Variants in MRTFA observed in about 807,000 individuals in gnomAD.
MRTFA encodes myocardin related transcription factor A, also known as myocardin-related transcription factor A.
Under a neutral mutation model 83.5 loss-of-function variants are expected in MRTFA, and 20 were observed. That is an observed-to-expected ratio of 0.24 (90% CI 0.17 to 0.35). The LOEUF (loss-of-function observed/expected upper bound fraction) is 0.35, where lower values mean the gene tolerates loss of function less well. Among genes scored for constraint, MRTFA ranks in the 10% least tolerant of loss-of-function variants. The pLI is 1.00. For synonymous variants in MRTFA, 659 were observed against 541.2 expected (o/e 1.22, Z -3.02); for missense variants, 1,200 against 1,224.7 (o/e 0.98, Z 0.30).
At chr22:40,463,927 C>T (rs1354665163) in intron 3 of MRTFA, among the ~76,000 whole-genome samples, 1 of 152,136 alleles carries the variant, frequency 6.6e-6, no homozygotes, top group Non-Finnish European at 1.5e-5. Flanking sequence ...CTAGGGGAGA[C>T]TGATGGGTGT....
At chr22:40,426,455 A>G (rs1306953638) in intron 7 of MRTFA, among the ~76,000 whole-genome samples, 1 of 152,078 alleles carries the variant, frequency 6.6e-6, no homozygotes, top group Non-Finnish European at 1.5e-5. Flanking sequence ...AATGAGCTAC[A>G]TTTGCCATCA....
chr22:40,599,823 C>T (rs2056236414), intron 1 of MRTFA, among the ~76,000 whole-genome samples: 1 of 151,608 alleles, frequency 6.6e-6, no homozygotes, highest in Non-Finnish European at 1.5e-5. Context: ...CGCTTGACCC[C>T]GGGAGGTTGA....
chr22:40,584,814 G>A (rs922447097), intron 2 of MRTFA, among the ~76,000 whole-genome samples: 1 of 151,744 alleles, frequency 6.6e-6, no homozygotes, highest in Admixed American at 6.6e-5. Context: ...GAGGCTGAGG[G>A]GGGTGGATCA....
At chr22:40,553,325 T>TC (rs1420403015) in intron 2 of MRTFA, among the ~76,000 whole-genome samples, 1 of 152,118 alleles carries the variant, frequency 6.6e-6, no homozygotes, top group Non-Finnish European at 1.5e-5. Context: ...GGAAAACGTC[T>TC]CCAGGGCATG....
intron 1 of MRTFA, among the ~76,000 whole-genome samples, chr22:40,598,195 C>G (rs2056215214): frequency 1.3e-5 from 2 of 151,812 alleles, no homozygotes; most frequent in African/African-American, 4.8e-5. Flanking sequence ...GGTTGTTTCC[C>G]TCCCCCGCCC....
chr22:40,525,299 C>T (rs2054947670), intron 3 of MRTFA, among the ~76,000 whole-genome samples: 1 of 152,042 alleles, frequency 6.6e-6, no homozygotes, highest in Non-Finnish European at 1.5e-5. Context: ...AAGTGGTAAA[C>T]ATTATTCCAC....
chr22:40,469,289 G>A (rs2053861365), intron 3 of MRTFA, among the ~76,000 whole-genome samples: 1 of 152,188 alleles, frequency 6.6e-6, no homozygotes, highest in Non-Finnish European at 1.5e-5. Flanking sequence ...TGTCCTGGGA[G>A]TGGCTTGGTG....
chr22:40,530,965 G>A (rs945539828), intron 3 of MRTFA, among the ~76,000 whole-genome samples: 4 of 152,198 alleles, frequency 2.6e-5, no homozygotes, highest in African/African-American at 9.6e-5. Flanking sequence ...AAAATACTAA[G>A]TACCATGTGC....
chr22:40,563,408 G>C (rs2055657972), intron 2 of MRTFA, among the ~76,000 whole-genome samples: 1 of 148,050 alleles, frequency 6.8e-6, no homozygotes, highest in South Asian at 2.1e-4. Context: ...TACAATACTT[G>C]AAATTTAAAA....
intron 3 of MRTFA, among the ~76,000 whole-genome samples, chr22:40,471,244 A>C (rs1021470376): frequency 2.0e-4 from 30 of 148,918 alleles, no homozygotes; most frequent in African/African-American, 6.6e-4. Context: ...AAAAAAAAAA[A>C]AAACAAGAAT....
In MRTFA at chr22:40,470,229, TTTTATATATATATATATA is replaced by T. The variant is rs1433995336; in HGVS notation, c.242-6961_242-6944del. ...ACACAGCAAGACCCCATCTCCAAAA[TTTTATATATATATATATA>T]TATATATATATATATATATATATAT... On this transcript the variant is annotated intron_variant, in intron 3 of 14. Transcript: ENST00000355630. 1.1e-3 allele frequency among the ~76,000 whole-genome samples: 64 copies of T among 58,764 alleles called. 2 individuals are homozygous for T. The highest frequency in any genetic ancestry group is 0.011 in the East Asian group (25 of 2,296). The allele number at this position is 58,764 out of a possible 152,430, so 38.6% of individuals were successfully genotyped here.
chr22:40,615,241 A>T (rs2056435060), intron 1 of MRTFA, among the ~76,000 whole-genome samples: 1 of 152,230 alleles, frequency 6.6e-6, no homozygotes, highest in Non-Finnish European at 1.5e-5. Flanking sequence ...TAGCTGTTAA[A>T]AAGACTATAC....
chr22:40,538,704 TAA>T (rs991385109), intron 3 of MRTFA, among the ~76,000 whole-genome samples: 1 of 152,216 alleles, frequency 6.6e-6, no homozygotes, highest in African/African-American at 2.4e-5. Context: ...TTCACAATTC[TAA>T]AAGTCTGAAC....
At chr22:40,602,966 C>G (rs985804227) in intron 1 of MRTFA, among the ~76,000 whole-genome samples, 1 of 152,166 alleles carries the variant, frequency 6.6e-6, no homozygotes, top group African/African-American at 2.4e-5. Flanking sequence ...GTGCCAATCT[C>G]TAATTTTTAC....
At chr22:40,495,412 A>C (rs1483775582) in intron 3 of MRTFA, among the ~76,000 whole-genome samples, 2 of 149,260 alleles carry the variant, frequency 1.3e-5, no homozygotes, top group African/African-American at 2.5e-5. Flanking sequence ...AGATTGCGCC[A>C]CTGCACTCCA....
intron 1 of MRTFA, among the ~76,000 whole-genome samples, chr22:40,619,331 A>C (rs1231595029): frequency 6.6e-6 from 1 of 151,384 alleles, no homozygotes; most frequent in Non-Finnish European, 1.5e-5. Context: ...ATGTTGGTAA[A>C]AATATGAATG....
At chr22:40,426,642 C>A (rs150187597) in intron 7 of MRTFA, among the ~76,000 whole-genome samples, 12 of 152,254 alleles carry the variant, frequency 7.9e-5, no homozygotes, top group African/African-American at 2.6e-4. Context: ...TGTACCTTTT[C>A]CACTTGGCAA....
chr22:40,459,896 T>C (rs529682350), intron 4 of MRTFA, among the ~76,000 whole-genome samples: 2 of 139,538 alleles, frequency 1.4e-5, no homozygotes, highest in African/African-American at 2.7e-5. Flanking sequence ...AAGGAGATCA[T>C]AGTCTAGCAG....
chr22:40,526,970 GA>G (rs910399009), intron 3 of MRTFA, among the ~76,000 whole-genome samples: 10 of 151,688 alleles, frequency 6.6e-5, no homozygotes, highest in Non-Finnish European at 1.0e-4. Context: ...CAGGGGAGGA[GA>G]AAAAAAATAC....
Sources: allele counts gnomAD v4.1 joint callset (sites outside exome capture counted in the v4.1 genomes callset), GRCh38; gene constraint gnomAD v4.1.1; transcripts MANE v1.5; gene names NCBI Gene and HGNC (gene_info 2026-07-23, HGNC 2026-07-21).